Variants in SDHC observed in about 807,000 individuals in gnomAD.
The protein encoded by SDHC is succinate dehydrogenase complex subunit C.
Under a neutral mutation model 22.6 loss-of-function variants are expected in SDHC, and 11 were observed. That is an observed-to-expected ratio of 0.49 (90% CI 0.31 to 0.81). The LOEUF is 0.81. Ranked by LOEUF, SDHC falls within the 30% of genes least tolerant of loss-of-function variation. SDHC has a pLI of 0.05. For missense variants in SDHC, 160 were observed against 212.0 expected, an observed-to-expected ratio of 0.75 and a Z score of 1.52; for synonymous variants, 80 against 77.8, an observed-to-expected ratio of 1.03 and a Z score of -0.15.
chr1:161,345,321 C>A (rs1457524488), intron 4 of SDHC, among the ~76,000 whole-genome samples: 2 of 152,196 alleles, frequency 1.3e-5, no homozygotes, highest in African/African-American at 4.8e-5. Flanking sequence ...AATGTTAACT[C>A]AAAGAGCACT....
chr1:161,318,818 G>T (rs1443848694), intron 1 of SDHC, among the ~76,000 whole-genome samples: 1 of 124,376 alleles, frequency 8.0e-6, no homozygotes, highest in Non-Finnish European at 2.0e-5. Flanking sequence ...AGGATCACCT[G>T]AGGTCAGGAG....
chr1:161,349,038 G>T (rs1028659151), intron 4 of SDHC, among the ~76,000 whole-genome samples: 2 of 152,108 alleles, frequency 1.3e-5, no homozygotes, highest in Admixed American at 1.3e-4. Flanking sequence ...TAGGAAGAGA[G>T]AATAAAGATA....
intron 3 of SDHC, chr1:161,339,660 G>GAGTTTTTTTTT: frequency 1.1e-5 from 1 of 87,234 alleles, no homozygotes; most frequent in Non-Finnish European, 2.2e-5. Context: ...CCTGATACAG[G>GAGTTTTTTTTT]TGTTTTTTTT....
intron 4 of SDHC, among the ~76,000 whole-genome samples, chr1:161,345,699 G>T (rs906749095): frequency 1.3e-5 from 2 of 152,062 alleles, no homozygotes; most frequent in African/African-American, 4.8e-5. Flanking sequence ...CTTGTGATCC[G>T]CCCGCCTCGG....
At chr1:161,344,061 G>C (rs1315386026) in intron 4 of SDHC, among the ~76,000 whole-genome samples, 1 of 149,182 alleles carries the variant, frequency 6.7e-6, no homozygotes, top group African/African-American at 2.5e-5. Context: ...AGGCTGAGGT[G>C]GGCAGATCAC....
chr1:161,357,233 G>A (rs1672319346), intron 5 of SDHC, among the ~76,000 whole-genome samples: 1 of 151,490 alleles, frequency 6.6e-6, no homozygotes, highest in Non-Finnish European at 1.5e-5. Context: ...AGCTAGTGCT[G>A]TTCTTAAGGT....
At chr1:161,361,221 T>C (rs1672497487) in intron 5 of SDHC, among the ~76,000 whole-genome samples, 1 of 151,698 alleles carries the variant, frequency 6.6e-6, no homozygotes. Context: ...AAATATATGT[T>C]TTTTAATGAA....
rs767802663 is a variant in SDHC, at chr1:161,323,625, G to T, written c.32G>T (p.Arg11Leu). The T allele has an allele frequency of 4.9e-5, 79 of 1,613,378 alleles. No homozygotes were observed. Among genetic ancestry groups the T allele is most frequent in the Non-Finnish European group, 6.1e-5 (72 of 1,179,522 alleles). Residue 11 changes from arginine (R) to leucine (L), a missense_variant, in exon 2 of 6, where the codon CGT becomes CTT. Transcript: ENST00000367975. Reference sequence around the variant, plus strand: ...CTCTTATCTTGCAGACACGTTGGTCGTCATTGCCTCCGAGCCCACTTTAGC... The same window carrying T: ...CTCTTATCTTGCAGACACGTTGGTCTTCATTGCCTCCGAGCCCACTTTAGC... Reference protein sequence around the residue: MAALLLRHVGRHCLRAHFSPQ... With the variant: MAALLLRHVGLHCLRAHFSPQ...
At chr1:161,321,019 G>A (rs1205627370) in intron 1 of SDHC, among the ~76,000 whole-genome samples, 1 of 152,062 alleles carries the variant, frequency 6.6e-6, no homozygotes, top group Admixed American at 6.6e-5. Context: ...TAGAGACGGG[G>A]TTTCATCATG....
chr1:161,321,015 C>T (rs575555566), intron 1 of SDHC, among the ~76,000 whole-genome samples: 3 of 152,034 alleles, frequency 2.0e-5, no homozygotes, highest in African/African-American at 2.4e-5. Context: ...TTAATAGAGA[C>T]GGGGTTTCAT....
At chr1:161,334,941 T>C (rs1428198399) in intron 3 of SDHC, among the ~76,000 whole-genome samples, 2 of 152,246 alleles carry the variant, frequency 1.3e-5, no homozygotes, top group Non-Finnish European at 2.9e-5. Context: ...ACAATGTTAC[T>C]ATCTAAACCG....
intron 4 of SDHC, among the ~76,000 whole-genome samples, chr1:161,352,767 G>C (rs1308883407): frequency 6.6e-6 from 1 of 152,178 alleles, no homozygotes; most frequent in Non-Finnish European, 1.5e-5. Context: ...CTGAGGTCAG[G>C]AGTTTGAGAC....
chr1:161,340,037 C>G (rs1671664433), intron 3 of SDHC, among the ~76,000 whole-genome samples: 1 of 151,984 alleles, frequency 6.6e-6, no homozygotes, highest in Non-Finnish European at 1.5e-5. Context: ...TGGCTCACAC[C>G]TGTAATTCCA....
In SDHC at chr1:161,362,887, T is replaced by C. The variant is rs1672582955; in HGVS notation, c.*454T>C. On this transcript the variant is annotated 3_prime_UTR_variant, in exon 6 of 6. Transcript: ENST00000367975. ...CTGGCTTAAAGGACAATTCTCTTCA[T>C]TGGTGAGAGCCCAGGCCATTAACAC... The C allele has an allele frequency of 6.9e-6, 3 of 436,066 alleles. No individual in the cohort carries two copies. Among genetic ancestry groups the C allele is most frequent in the African/African-American group, 5.9e-5 (3 of 50,814 alleles). 27.0% of individuals were successfully genotyped at this position (436,066 alleles called of 1,614,324 possible). A position where few individuals can be genotyped will look rare whatever the true frequency, so the allele number is the denominator to read the frequency against.
intron 1 of SDHC, among the ~76,000 whole-genome samples, chr1:161,320,475 ACATC>A (rs1356817850): frequency 6.6e-6 from 1 of 152,188 alleles, no homozygotes; most frequent in Non-Finnish European, 1.5e-5. Flanking sequence ...AATTATAGTC[ACATC>A]TTGTTTTGGA....
intron 3 of SDHC, among the ~76,000 whole-genome samples, chr1:161,329,149 G>C (rs1292633810): frequency 1.3e-5 from 2 of 151,884 alleles, no homozygotes; most frequent in African/African-American, 4.8e-5. Context: ...CTAGTGATCC[G>C]CCCGCCTCGG....
chr1:161,362,307 T>G, intron 5 of SDHC, 22 bp from the exon 6 acceptor site: 1 of 1,603,160 alleles, frequency 6.2e-7, no homozygotes, highest in South Asian at 1.1e-5. Flanking sequence ...ATTCCTTTTT[T>G]TTTTTTTTGC....
intron 4 of SDHC, among the ~76,000 whole-genome samples, chr1:161,350,058 G>A (rs187764389): frequency 8.5e-5 from 13 of 152,126 alleles, no homozygotes; most frequent in South Asian, 4.2e-4. Context: ...TTACAGGCAC[G>A]CGTCACCATG....
intron 4 of SDHC, among the ~76,000 whole-genome samples, chr1:161,346,174 C>T (rs550907660): frequency 6.9e-4 from 105 of 152,312 alleles, no homozygotes; most frequent in African/African-American, 2.5e-3. Flanking sequence ...ATTTACCATT[C>T]ATACCCTCTA....
Sources: gnomAD v4.1 joint callset for allele counts (sites outside exome capture counted in the v4.1 genomes callset) on GRCh38, gnomAD v4.1.1 for gene constraint, MANE v1.5 for transcripts, NCBI Gene and HGNC (gene_info 2026-07-23, HGNC 2026-07-21) for gene names.